Variants in IKBKB observed in about 807,000 individuals in gnomAD.
IKBKB encodes inhibitor of nuclear factor kappa B kinase subunit beta, also known as inhibitor of nuclear factor kappa-B kinase subunit beta.
IKBKB carries 42 observed loss-of-function variants against 113.6 expected under a neutral mutation model. The ratio of observed to expected loss-of-function variants is 0.37; its 90% CI spans 0.29 to 0.48. The LOEUF is 0.48. IKBKB is among the 20% of genes least tolerant of loss of function. The pLI is 0.99. For missense variants in IKBKB, 673 were observed against 939.7 expected, an observed-to-expected ratio of 0.72 and a Z score of 3.71; for synonymous variants, 296 against 361.3, an observed-to-expected ratio of 0.82 and a Z score of 2.05.
At chr8:42,276,893 G>T (rs1263601084) in intron 2 of IKBKB, among the ~76,000 whole-genome samples, 2 of 139,698 alleles carry the variant, frequency 1.4e-5, no homozygotes, top group African/African-American at 5.4e-5. Context: ...TTGAGACGGG[G>T]TCTCGCTCTG....
Position 42,316,736 on chromosome 8 carries a change from G to A in IKBKB, c.957G>A (p.Thr319=), listed in dbSNP as rs70958392. 2.5e-5 allele frequency: 40 copies of A among 1,613,278 alleles called. No individual in the cohort carries two copies. Among genetic ancestry groups the A allele is most frequent in the African/African-American group, 5.3e-5 (4 of 74,862 alleles). Residue 319 remains threonine, a synonymous_variant, in exon 11 of 22, where the codon ACG becomes ACA. Coordinates refer to ENST00000520810, the MANE Select transcript of IKBKB (RefSeq NM_001556.3). This position sits in a 1 kb window ranked among gnomAD's most constrained non-coding sequence, Gnocchi z 4.5. Reference sequence around the variant, plus strand: ...TGGTTCATATCTTGAACATGGTCACGGGCACCATCCACACCTACCCTGTGA... The same window carrying A: ...TGGTTCATATCTTGAACATGGTCACAGGCACCATCCACACCTACCCTGTGA... ...LKLVHILNMV[T]GTIHTYPVTE...
intron 5 of IKBKB, among the ~76,000 whole-genome samples, chr8:42,300,760 G>C (rs568726926): frequency 1.3e-5 from 2 of 152,204 alleles, no homozygotes; most frequent in Non-Finnish European, 2.9e-5. Flanking sequence ...CCTATGGCAA[G>C]TCTGCCATGT....
At chr8:42,321,301 G>A (rs1234464106) in intron 16 of IKBKB, 1 of 161,600 alleles carries the variant, frequency 6.2e-6, no homozygotes, top group Non-Finnish European at 1.4e-5. Flanking sequence ...GGGGCGGAGG[G>A]GTCTAGGCAG....
chr8:42,329,616 C>A (rs1821425957), intron 21 of IKBKB: 1 of 984,030 alleles, frequency 1.0e-6, no homozygotes, highest in South Asian at 4.7e-5. Flanking sequence ...CCTTGGAACA[C>A]TTAATTCCGA....
At chr8:42,277,180 A>ATTTC (rs779089192) in intron 2 of IKBKB, among the ~76,000 whole-genome samples, 9 of 84,914 alleles carry the variant, frequency 1.1e-4, no homozygotes, top group African/African-American at 4.1e-4. Context: ...CGTGTGGCTA[A>ATTTC]TTTTTTTTTT....
intron 5 of IKBKB, among the ~76,000 whole-genome samples, chr8:42,299,913 C>CT (rs1814803160): frequency 6.6e-6 from 1 of 152,194 alleles, no homozygotes; most frequent in Non-Finnish European, 1.5e-5. Flanking sequence ...CATTACTGCT[C>CT]TGTGATTTCT....
In IKBKB at chr8:42,316,116, T is replaced by G. The variant is rs1191859152; in HGVS notation, c.801-94T>G. ...CCCATTTTCATTTTCAATCACCGTC[T>G]ACTGGCTGCCGTCTGTGTGTATACT... On this transcript the variant is annotated intron_variant, in intron 9 of 21. Transcript: ENST00000520810. The surrounding 1 kb of genome is among the most constrained non-coding windows in gnomAD (Gnocchi z 4.5). 3 of 1,370,108 alleles carry G rather than the reference T, an allele frequency of 2.2e-6. No individual in the cohort carries two copies. In the African/African-American group the frequency reaches 4.3e-5, roughly 20 times the overall value. The allele number at this position is 1,370,108 out of a possible 1,614,324, so 84.9% of individuals were successfully genotyped here. A position where few individuals can be genotyped will look rare whatever the true frequency, so the allele number is the denominator to read the frequency against.
intron 2 of IKBKB, among the ~76,000 whole-genome samples, chr8:42,284,440 G>A (rs1810975974): frequency 6.6e-6 from 1 of 152,080 alleles, no homozygotes; most frequent in Non-Finnish European, 1.5e-5. Flanking sequence ...AAATTAGCCG[G>A]GCGTGGTGAT....
At chr8:42,303,119 ATG>A (rs1815726392) in intron 5 of IKBKB, among the ~76,000 whole-genome samples, 2 of 83,580 alleles carry the variant, frequency 2.4e-5, no homozygotes, top group South Asian at 3.8e-4. Context: ...GAGAGAGAGA[ATG>A]AGAGAGAGAG....
chr8:42,271,309 C>T lies in IKBKB; in HGVS notation c.-179C>T. 1 of 933,556 alleles carries T rather than the reference C, an allele frequency of 1.1e-6. No individual in the cohort carries two copies. The highest frequency in any genetic ancestry group is 1.7e-6 in the Non-Finnish European group (1 of 597,686). The allele number at this position is 933,556 out of a possible 1,614,324, so 57.8% of individuals were successfully genotyped here. A position where few individuals can be genotyped will look rare whatever the true frequency, so the allele number is the denominator to read the frequency against. On this transcript the variant is annotated 5_prime_UTR_variant, in exon 1 of 22. Transcript: ENST00000520810. ...CCGCGGCCAACGTGCTCCGTGACGT[C>T]AGAGCAGGAAGTGTTTGAGGAAGTC... is the stretch of plus-strand genomic sequence containing the variant.
intron 2 of IKBKB, among the ~76,000 whole-genome samples, chr8:42,274,035 T>TTTTGAAATATACAATA (rs1306782102): frequency 1.4e-5 from 2 of 148,098 alleles, no homozygotes; most frequent in East Asian, 3.9e-4. Flanking sequence ...ATATACAATA[T>TTTTGAAATATACAATA]TTTTTTTTTT....
In IKBKB at chr8:42,316,358, T is replaced by C; in HGVS notation, c.930+19T>C. The C allele has an allele frequency of 6.2e-7, 1 of 1,614,006 alleles. No homozygotes were observed. Among genetic ancestry groups the C allele is most frequent in the South Asian group, 1.1e-5 (1 of 91,056 alleles). ...CTTAAAGGTGAGTGTGGAGCCAAGT[T>C]AGCCCTGAGGCAAAAGCTGGGGTCC... On this transcript the variant is annotated intron_variant, in intron 10 of 21. Transcript: ENST00000520810. The surrounding 1 kb of genome is among the most constrained non-coding windows in gnomAD (Gnocchi z 4.5).
intron 1 of IKBKB, 173 bp from the exon 2 acceptor site, chr8:42,271,910 T>G (rs1807837306): frequency 7.1e-6 from 5 of 704,084 alleles, no homozygotes; most frequent in Admixed American, 3.2e-5. Context: ...GACAAAAGTT[T>G]GCCACAAAGT....
Position 42,332,257 on chromosome 8 carries a change from T to C in IKBKB, c.*1278T>C, listed in dbSNP as rs554424235. On this transcript the variant is annotated 3_prime_UTR_variant, in exon 22 of 22. Transcript: ENST00000520810. ...GGGAGCTATTCATGTTTCACTTGCT[T>C]TGTGGAGATTCACACTATGCACTGG... 2.0e-5 allele frequency: 3 copies of C among 152,338 alleles called. No individual in the cohort carries two copies. The highest frequency in any genetic ancestry group is 7.2e-5 in the African/African-American group (3 of 41,576). 9.4% of individuals were successfully genotyped at this position (152,338 alleles called of 1,614,324 possible).
At chr8:42,306,536 T>A in intron 7 of IKBKB, 104 bp downstream of exon 7, 1 of 768,580 alleles carries the variant, frequency 1.3e-6, no homozygotes, top group Non-Finnish European at 2.3e-6. Flanking sequence ...CCACCGGCTC[T>A]CTGAATGTTT....
intron 8 of IKBKB, chr8:42,309,343 T>C: frequency 2.5e-6 from 1 of 404,208 alleles, no homozygotes; most frequent in Non-Finnish European, 4.6e-6. Flanking sequence ...ACACTGAGAA[T>C]GCTGTGTGTT....
intron 8 of IKBKB, chr8:42,309,319 G>A (rs1320469830): frequency 2.2e-6 from 1 of 456,226 alleles, no homozygotes; most frequent in Non-Finnish European, 4.0e-6. Flanking sequence ...ACTATTGTAT[G>A]AATATACGCA....
chr8:42,304,445 G>C (rs1046723616), intron 5 of IKBKB, among the ~76,000 whole-genome samples: 2 of 152,104 alleles, frequency 1.3e-5, no homozygotes, highest in African/African-American at 4.8e-5. Flanking sequence ...AGAAGCTCTT[G>C]GTATCAAATG....
intron 19 of IKBKB, among the ~76,000 whole-genome samples, chr8:42,324,357 C>T (rs1218672010): frequency 3.3e-5 from 5 of 152,244 alleles, no homozygotes; most frequent in East Asian, 1.9e-4. Context: ...CTCCACCTCC[C>T]GGGTTCAAGT....
Sources: gnomAD v4.1 joint callset for allele counts (sites outside exome capture counted in the v4.1 genomes callset) on GRCh38, gnomAD v4.1.1 for gene constraint, Gnocchi (gnomAD v3.1) non-coding constraint, MANE v1.5 for transcripts, NCBI Gene and HGNC (gene_info 2026-07-23, HGNC 2026-07-21) for gene names.